Variants in PLPP7 observed in about 807,000 individuals in gnomAD.
PLPP7 encodes phospholipid phosphatase 7 (inactive), also known as inactive phospholipid phosphatase 7.
PLPP7 carries 11 observed loss-of-function variants against 16.9 expected under a neutral mutation model. The observed-to-expected ratio is 0.65, with a 90% CI of 0.41 to 1.08. PLPP7 has a LOEUF of 1.08. PLPP7 is among the 50% of genes least tolerant of loss of function. The pLI is 0.00. For missense variants in PLPP7, 358 were observed against 397.1 expected (o/e 0.90, Z 0.84); for synonymous variants, 174 against 175.1 (o/e 0.99, Z 0.05).
rs924615370 is a variant in PLPP7, at chr9:131,294,955, CT to C, written c.451+4517del. ...CCACTGTGCTGGCCTATAAAAGTATCTTTTTTTTTTCCTTTGAGACGGAATC... is the reference window on the plus strand; with the variant it reads ...CCACTGTGCTGGCCTATAAAAGTATCTTTTTTTTTCCTTTGAGACGGAATC... On this transcript the variant is annotated intron_variant, in intron 1 of 1. Coordinates refer to ENST00000372264, the MANE Select transcript of PLPP7 (RefSeq NM_032728.4). Among the ~76,000 whole-genome samples the C allele has an allele frequency of 3.6e-3, 527 of 147,582 alleles. 5 individuals are homozygous for C. The highest frequency in any genetic ancestry group is 0.012 in the African/African-American group (490 of 40,208).
intron 1 of PLPP7, among the ~76,000 whole-genome samples, chr9:131,302,993 G>T (rs2131219313): frequency 6.6e-6 from 1 of 152,296 alleles, no homozygotes; most frequent in Admixed American, 6.5e-5. Flanking sequence ...TCAAAAGCAG[G>T]CAGCAGAACA....
intron 1 of PLPP7, chr9:131,291,289 C>T (rs1307200414): frequency 8.0e-7 from 1 of 1,245,580 alleles, no homozygotes; most frequent in African/African-American, 1.5e-5. Flanking sequence ...CCTTGTCTTT[C>T]CCGGTGTGGC....
chr9:131,296,942 G>T (rs113844451), intron 1 of PLPP7, among the ~76,000 whole-genome samples: 1 of 152,202 alleles, frequency 6.6e-6, no homozygotes, highest in Non-Finnish European at 1.5e-5. Flanking sequence ...CCTAACTGAG[G>T]GGTATTTAGG....
At chr9:131,306,004 A>G (rs573458886) in intron 1 of PLPP7, among the ~76,000 whole-genome samples, 17 of 152,124 alleles carry the variant, frequency 1.1e-4, no homozygotes, top group Admixed American at 7.8e-4. Flanking sequence ...TTGGGAGGCC[A>G]AGACGGGCGG....
Position 131,290,226 on chromosome 9 carries a change from T to C in PLPP7, c.229T>C (p.Phe77Leu). The C allele has an allele frequency of 6.2e-7, 1 of 1,609,394 alleles. No homozygotes were observed. Among genetic ancestry groups the C allele is most frequent in the East Asian group, 2.2e-5 (1 of 44,748 alleles). ...GGACTGCATGCAGCTGAACCCCTCC[T>C]TCAAGGGCATCGCCTTCAACTCCCT... ...EEDCMQLNPS[F>L]KGIAFNSLLA... Residue 77 changes from phenylalanine to leucine, a missense_variant, in exon 1 of 2, where the codon TTC becomes CTC. Coordinates refer to ENST00000372264, the MANE Select transcript of PLPP7 (RefSeq NM_032728.4). This position sits in a 1 kb window ranked among gnomAD's most constrained non-coding sequence, Gnocchi z 4.2.
intron 1 of PLPP7, among the ~76,000 whole-genome samples, chr9:131,299,156 G>C (rs553751521): frequency 2.0e-5 from 3 of 152,170 alleles, no homozygotes; most frequent in African/African-American, 7.2e-5. Flanking sequence ...ACAAGTGGCC[G>C]ACCTTGAAGC....
Position 131,290,353 on chromosome 9 carries a change from CGGGCCACGGCATCCCCTGGATCGGA to C in PLPP7, c.359_383del (p.Gly120AlafsTer7), listed in dbSNP as rs1835656880. On this transcript the variant is annotated frameshift_variant, in exon 1 of 2. Transcript: ENST00000372264. LOFTEE classifies it high-confidence loss of function. This position sits in a 1 kb window ranked among gnomAD's most constrained non-coding sequence, Gnocchi z 4.2. ...TCCATGGTCAAGCTCATCGGCATCA[CGGGCCACGGCATCCCCTGGATCGGA>C]GGCACCATCCTCTGCCTGGTGAAGA... is the stretch of plus-strand genomic sequence containing the variant. The C allele has an allele frequency of 6.2e-7, 1 of 1,609,464 alleles. No homozygotes were observed. Among genetic ancestry groups the C allele is most frequent in the South Asian group, 1.1e-5 (1 of 90,302 alleles).
At position 131,308,542 on chromosome 9, in the gene PLPP7, C is replaced by T. The variant is rs1835883599; in HGVS notation, c.*255C>T. ...CTCCTCTCTAGGCAGCCAGGACCCA[C>T]CCATGGGGACAGCCCTATTTAGCTT... On this transcript the variant is annotated 3_prime_UTR_variant, in exon 2 of 2. Coordinates refer to ENST00000372264, the MANE Select transcript of PLPP7 (RefSeq NM_032728.4). The T allele has an allele frequency of 3.5e-6, 2 of 568,088 alleles. No homozygotes were observed. Among genetic ancestry groups the T allele is most frequent in the African/African-American group, 3.8e-5 (2 of 52,536 alleles). 35.2% of individuals were successfully genotyped at this position (568,088 alleles called of 1,614,324 possible).
intron 1 of PLPP7, among the ~76,000 whole-genome samples, chr9:131,297,009 C>T (rs953755374): frequency 6.6e-6 from 1 of 152,222 alleles, no homozygotes; most frequent in Admixed American, 6.5e-5. Flanking sequence ...ATGCTACCTC[C>T]TCGGAAGTAG....
chr9:131,303,366 A>G (rs922388914), intron 1 of PLPP7, among the ~76,000 whole-genome samples: 7 of 149,600 alleles, frequency 4.7e-5, no homozygotes, highest in African/African-American at 1.5e-4. Context: ...GCTGTGCTCT[A>G]TAAGTGGATG....
rs920355601 is a variant in PLPP7, at chr9:131,289,735, T to G, written c.-263T>G. On this transcript the variant is annotated 5_prime_UTR_variant, in exon 1 of 2. Transcript: ENST00000372264. The stretch of plus-strand genomic sequence containing the variant: ...AGGCAGCCAGGCCGCAGCTGTGGAC[T>G]CCTCACCTCCCGGAGGCTCTGCTGG... 6 of 385,778 alleles carry G rather than the reference T, an allele frequency of 1.6e-5. No homozygotes were observed. The South Asian group carries it at 8.0e-4, about 51-fold the overall frequency. The allele number at this position is 385,778 out of a possible 1,614,324, so 23.9% of individuals were successfully genotyped here. A position where few individuals can be genotyped will look rare whatever the true frequency, so the allele number is the denominator to read the frequency against.
At chr9:131,304,750 A>T (rs1189805621) in intron 1 of PLPP7, among the ~76,000 whole-genome samples, 3 of 152,208 alleles carry the variant, frequency 2.0e-5, no homozygotes, top group Non-Finnish European at 4.4e-5. Context: ...CACGGGGAAA[A>T]AAACCTATGA....
rs1366136115 is a variant in PLPP7 at position 131,290,334 on chromosome 9, G to A, written c.337G>A (p.Val113Ile). 6.2e-7 allele frequency: 1 copy of A among 1,611,286 alleles called. No homozygotes were observed. Among genetic ancestry groups the A allele is most frequent in the Non-Finnish European group, 8.5e-7 (1 of 1,178,950 alleles). ...AASWASARSMVKLIGITGHGI... is the reference protein window; with the variant it reads ...AASWASARSMIKLIGITGHGI... ...GTCCTGGGCCAGTGCCCGCTCCATG[G>A]TCAAGCTCATCGGCATCACGGGCCA... is the stretch of plus-strand genomic sequence containing the variant. Residue 113 changes from valine (V) to isoleucine (I), a missense_variant, in exon 1 of 2, where the codon GTC becomes ATC. Val to Ile is a conservative substitution (Grantham distance 29). Coordinates refer to ENST00000372264, the MANE Select transcript of PLPP7 (RefSeq NM_032728.4). The surrounding 1 kb of genome is among the most constrained non-coding windows in gnomAD (Gnocchi z 4.2).
At chr9:131,292,918 A>T in intron 1 of PLPP7, 1 of 985,436 alleles carries the variant, frequency 1.0e-6, no homozygotes, top group African/African-American at 1.7e-5. Context: ...GCCCCACAGG[A>T]TAAAGATGAA....
At chr9:131,302,154 G>A (rs1190080695) in intron 1 of PLPP7, among the ~76,000 whole-genome samples, 1 of 152,002 alleles carries the variant, frequency 6.6e-6, no homozygotes, top group East Asian at 1.9e-4. Context: ...CGACCCCTCG[G>A]CCAGAAGCAC....
rs1476422128 is a variant in PLPP7, at chr9:131,290,082, C to A, written c.85C>A (p.Pro29Thr). Residue 29 changes from proline to threonine, a missense_variant, in exon 1 of 2, where the codon CCC becomes ACC. Transcript: ENST00000372264. The surrounding 1 kb of genome is among the most constrained non-coding windows in gnomAD (Gnocchi z 4.2). ...TGAGTTCCTGTCCCTGAACCAGCCCCCCAAGGGGGGCCCGGAGCCCCGCAG... is the reference window on the plus strand; with the variant it reads ...TGAGTTCCTGTCCCTGAACCAGCCCACCAAGGGGGGCCCGGAGCCCCGCAG... ...RAEFLSLNQP[P>T]KGGPEPRSSG... 2 of 1,510,356 alleles carry A rather than the reference C, an allele frequency of 1.3e-6. No individual in the cohort carries two copies. Among genetic ancestry groups the A allele is most frequent in the Non-Finnish European group, 1.8e-6 (2 of 1,130,980 alleles). The allele number at this position is 1,510,356 out of a possible 1,614,324, so 93.6% of individuals were successfully genotyped here.
At chr9:131,305,397 T>A (rs1835843025) in intron 1 of PLPP7, among the ~76,000 whole-genome samples, 1 of 151,050 alleles carries the variant, frequency 6.6e-6, no homozygotes, top group African/African-American at 2.4e-5. Context: ...AAAAAAAAAT[T>A]TTTTTTTAAT....
chr9:131,307,179 G>A (rs879272513), intron 1 of PLPP7, among the ~76,000 whole-genome samples: 11 of 151,384 alleles, frequency 7.3e-5, no homozygotes, highest in Admixed American at 1.3e-4. Flanking sequence ...CCAGGAGGTG[G>A]AGGTTGCAGT....
In PLPP7 at chr9:131,290,489, C is replaced by G. The variant is rs761141106; in HGVS notation, c.451+41C>G. On this transcript the variant is annotated intron_variant, in intron 1 of 1. Transcript: ENST00000372264. This position sits in a 1 kb window ranked among gnomAD's most constrained non-coding sequence, Gnocchi z 4.2. ...GCCCGCCACTCACTGTCAGGCCCCT[C>G]GGGAGGCAGCCTGGCCTGCCCAACC... is the stretch of plus-strand genomic sequence containing the variant. 10 of 1,477,698 alleles carry G rather than the reference C, an allele frequency of 6.8e-6. No individual in the cohort carries two copies. Among genetic ancestry groups the G allele is most frequent in the Non-Finnish European group, 8.1e-6 (9 of 1,116,960 alleles). 91.5% of individuals were successfully genotyped at this position (1,477,698 alleles called of 1,614,324 possible). A position where few individuals can be genotyped will look rare whatever the true frequency, so the allele number is the denominator to read the frequency against.
Sources: gnomAD v4.1 joint callset for allele counts (sites outside exome capture counted in the v4.1 genomes callset) on GRCh38, gnomAD v4.1.1 for gene constraint, Gnocchi (gnomAD v3.1) non-coding constraint, MANE v1.5 for transcripts, NCBI Gene and HGNC (gene_info 2026-07-23, HGNC 2026-07-21) for gene names.